The following GSE1 variants were observed in gnomAD, a reference collection of about 807,000 sequenced individuals.
GSE1 encodes the protein Gse1 coiled-coil protein, also known as genetic suppressor element 1.
Under a neutral mutation model 112.6 loss-of-function variants are expected in GSE1, and 32 were observed. The ratio of observed to expected loss-of-function variants is 0.28; its 90% CI spans 0.21 to 0.38. The LOEUF (loss-of-function observed/expected upper bound fraction) is 0.38, where lower values mean the gene tolerates loss of function less well. GSE1 is among the 10% of genes least tolerant of loss of function. The probability of loss-of-function intolerance (pLI) is 1.00; values close to 1 mark genes in which losing one functional copy is unlikely to be tolerated. For missense variants in GSE1, 2,348 were observed against 1,699.2 expected (o/e 1.38, Z -6.71); for synonymous variants, 1,115 against 735.6 (o/e 1.52, Z -8.35).
At chr16:85,344,889 C>T (rs920363164) in intron 1 of GSE1, among the ~76,000 whole-genome samples, 3 of 152,238 alleles carry the variant, frequency 2.0e-5, no homozygotes, top group African/African-American at 7.2e-5. Flanking sequence ...CTGTCTGCCG[C>T]CTTCAGGCAG....
chr16:85,274,907 TGTTCCA>T (rs1909205661), intron 1 of GSE1, among the ~76,000 whole-genome samples: 1 of 152,236 alleles, frequency 6.6e-6, no homozygotes, highest in Non-Finnish European at 1.5e-5. Context: ...TCACTGCCCC[TGTTCCA>T]GTTCCGGCCC....
At chr16:85,421,661 T>C (rs1350310338) in intron 2 of GSE1, among the ~76,000 whole-genome samples, 2 of 151,914 alleles carry the variant, frequency 1.3e-5, no homozygotes, top group African/African-American at 4.8e-5. Flanking sequence ...CCTGGGGGCG[T>C]CGGGGGTGCT....
chr16:85,666,822 G>C (rs890973350), intron 13 of GSE1, among the ~76,000 whole-genome samples: 5 of 152,232 alleles, frequency 3.3e-5, no homozygotes, highest in African/African-American at 9.6e-5. Context: ...CAGCCCTCTG[G>C]ATCCGTGGGT....
intron 2 of GSE1, among the ~76,000 whole-genome samples, chr16:85,440,448 G>C (rs560192759): frequency 6.6e-6 from 1 of 152,206 alleles, no homozygotes; most frequent in Non-Finnish European, 1.5e-5. Flanking sequence ...GAAGTTTCAC[G>C]TGCATCTGAG....
chr16:85,655,219 G>T (rs1415854213), intron 5 of GSE1, among the ~76,000 whole-genome samples: 1 of 152,140 alleles, frequency 6.6e-6, no homozygotes. Flanking sequence ...TGTCATCCTT[G>T]GCTCCTCCCC....
rs2045850817 is a variant in GSE1 at position 85,311,619 on chromosome 16, G to C, written c.2284-45844G>C. Reference sequence around the variant, plus strand: ...CATGGGCTTCTGCTTCGGTGCCCCTGGGGGTCCTTCTCCAGGGCCCCTTGG... The same window carrying C: ...CATGGGCTTCTGCTTCGGTGCCCCTCGGGGTCCTTCTCCAGGGCCCCTTGG... On this transcript the variant is annotated intron_variant, in intron 1 of 2. Coordinates refer to the GSE1 transcript ENST00000637419. The surrounding 1 kb of genome is among the most constrained non-coding windows in gnomAD (Gnocchi z 4.2). Among the ~76,000 whole-genome samples the C allele has an allele frequency of 8.5e-6, 1 of 117,606 alleles. No individual in the cohort carries two copies. The highest frequency in any genetic ancestry group is 1.8e-5 in the Non-Finnish European group (1 of 56,112). 77.2% of individuals were successfully genotyped at this position (117,606 alleles called of 152,430 possible).
chr16:85,309,887 G>T (rs1047904458), intron 1 of GSE1, among the ~76,000 whole-genome samples: 1 of 152,186 alleles, frequency 6.6e-6, no homozygotes, highest in East Asian at 1.9e-4. Context: ...AGTGGCGGGC[G>T]CCCCCTTGCC....
At chr16:85,286,342 C>G (rs1364329107) in intron 1 of GSE1, among the ~76,000 whole-genome samples, 1 of 152,204 alleles carries the variant, frequency 6.6e-6, no homozygotes, top group African/African-American at 2.4e-5. Flanking sequence ...GAATGTATGA[C>G]AACTCAGCTG....
intron 2 of GSE1, among the ~76,000 whole-genome samples, chr16:85,420,796 C>T (rs1185687708): frequency 1.3e-5 from 2 of 152,142 alleles, no homozygotes; most frequent in African/African-American, 2.4e-5. Context: ...TAAGGGCCTC[C>T]CACCAGGACC....
rs2047439793 is a variant in GSE1, at chr16:85,377,167, A to G, written c.2464+19524A>G. 2.6e-5 allele frequency among the ~76,000 whole-genome samples: 4 copies of G among 152,132 alleles called. No individual in the cohort carries two copies. The South Asian group carries it at 8.3e-4, about 31-fold the overall frequency. ...CTGGTAGGCCGCACGTGGTCTGAGGATTTGGGGGCTGCAGGAAGCCGTTTC... is the reference window on the plus strand; with the variant it reads ...CTGGTAGGCCGCACGTGGTCTGAGGGTTTGGGGGCTGCAGGAAGCCGTTTC... On this transcript the variant is annotated intron_variant, in intron 2 of 2. Coordinates refer to the GSE1 transcript ENST00000637419.
chr16:85,258,247 C>T (rs925996155), intron 1 of GSE1, among the ~76,000 whole-genome samples: 1 of 152,240 alleles, frequency 6.6e-6, no homozygotes, highest in Admixed American at 6.5e-5. Flanking sequence ...CCCACTGGCC[C>T]ATCGCACCGC....
chr16:85,306,309 C>G (rs1463836708), intron 1 of GSE1: 1 of 154,220 alleles, frequency 6.5e-6, no homozygotes, highest in African/African-American at 2.4e-5. Context: ...GACACTCTGG[C>G]ATGTGGACCT....
At chr16:85,387,582 C>T (rs1227465693) in intron 2 of GSE1, among the ~76,000 whole-genome samples, 1 of 152,266 alleles carries the variant, frequency 6.6e-6, no homozygotes, top group African/African-American at 2.4e-5. Flanking sequence ...TCCTCCAGGA[C>T]ATCACCTGCT....
At chr16:85,199,630 G>T (rs1010342136) in intron 1 of GSE1, among the ~76,000 whole-genome samples, 3 of 152,230 alleles carry the variant, frequency 2.0e-5, no homozygotes, top group African/African-American at 7.2e-5. Flanking sequence ...CCTGTGAAAA[G>T]TGCTGCGGGC....
At chr16:85,566,001 G>A (rs867080996) in intron 1 of GSE1, among the ~76,000 whole-genome samples, 1 of 152,180 alleles carries the variant, frequency 6.6e-6, no homozygotes, top group South Asian at 2.1e-4. Flanking sequence ...CTCTGGGCAG[G>A]TTCCTTACCC....
intron 1 of GSE1, among the ~76,000 whole-genome samples, chr16:85,298,837 G>C (rs1469728941): frequency 1.3e-5 from 2 of 152,266 alleles, no homozygotes; most frequent in African/African-American, 4.8e-5. Context: ...CGCTGCAGAT[G>C]GGCTAGAACT....
intron 2 of GSE1, among the ~76,000 whole-genome samples, chr16:85,408,785 C>CA (rs2048394259): frequency 1.5e-5 from 1 of 64,840 alleles, no homozygotes; most frequent in African/African-American, 7.3e-5. Flanking sequence ...CTCAGGGTCC[C>CA]TCTGATAATC....
intron 1 of GSE1, among the ~76,000 whole-genome samples, chr16:85,340,877 C>G (rs1442480370): frequency 1.3e-5 from 2 of 152,188 alleles, no homozygotes; most frequent in South Asian, 4.1e-4. Flanking sequence ...CGGCTCTGCC[C>G]AGGCCCCCAG....
chr16:85,302,015 C>T (rs1726320001), intron 1 of GSE1, among the ~76,000 whole-genome samples: 2 of 152,212 alleles, frequency 1.3e-5, no homozygotes, highest in African/African-American at 2.4e-5. Context: ...GAGAACTCTC[C>T]AGGCAGGGCT....
Sources: gnomAD v4.1 joint callset for allele counts (sites outside exome capture counted in the v4.1 genomes callset) on GRCh38, gnomAD v4.1.1 for gene constraint, Gnocchi (gnomAD v3.1) non-coding constraint, MANE v1.5 for transcripts, NCBI Gene and HGNC (gene_info 2026-07-23, HGNC 2026-07-21) for gene names.